GRIK2: variants seen among roughly 807,000 people sequenced by gnomAD.
GRIK2 encodes glutamate ionotropic receptor kainate type subunit 2.
GRIK2 carries 32 observed loss-of-function variants against 100.3 expected under a neutral mutation model. The ratio of observed to expected loss-of-function variants is 0.32; its 90% CI spans 0.24 to 0.43. The LOEUF (loss-of-function observed/expected upper bound fraction) is 0.43. Among genes scored for constraint, GRIK2 ranks in the 20% least tolerant of loss-of-function variants. GRIK2 has a pLI of 1.00. For missense variants in GRIK2, 843 were observed against 1,114.9 expected, an observed-to-expected ratio of 0.76 and a Z score of 3.47; for synonymous variants, 417 against 389.4, an observed-to-expected ratio of 1.07 and a Z score of -0.83.
At chr6:101,931,899 A>T (rs1582561678) in intron 14 of GRIK2, among the ~76,000 whole-genome samples, 2 of 152,190 alleles carry the variant, frequency 1.3e-5, no homozygotes, top group Middle Eastern at 6.8e-3. Flanking sequence ...ACCTACTTGG[A>T]ATCTGGGAAT....
At chr6:101,754,169 TTC>T (rs869291769) in intron 7 of GRIK2, among the ~76,000 whole-genome samples, 1 of 148,276 alleles carries the variant, frequency 6.7e-6, no homozygotes, top group African/African-American at 2.4e-5. Flanking sequence ...TTGATTTATC[TTC>T]TTTTATTATG....
chr6:101,551,391 T>C (rs1325248386), intron 2 of GRIK2, among the ~76,000 whole-genome samples: 2 of 152,120 alleles, frequency 1.3e-5, no homozygotes, highest in East Asian at 1.9e-4. Flanking sequence ...CATAATTTAT[T>C]ATACTATTCA....
intron 15 of GRIK2, among the ~76,000 whole-genome samples, chr6:102,043,199 G>C (rs1002088085): frequency 6.6e-6 from 1 of 151,550 alleles, no homozygotes; most frequent in Non-Finnish European, 1.5e-5. Flanking sequence ...TATTTATGAC[G>C]TAAAAGTGAC....
At chr6:101,810,493 C>G (rs745427898) in intron 9 of GRIK2, among the ~76,000 whole-genome samples, 1 of 152,002 alleles carries the variant, frequency 6.6e-6, no homozygotes, top group Admixed American at 6.6e-5. Flanking sequence ...ACGCTGATTA[C>G]GAAAGCGTTC....
At chr6:101,635,314 A>G (rs1489907395) in intron 4 of GRIK2, among the ~76,000 whole-genome samples, 8 of 152,052 alleles carry the variant, frequency 5.3e-5, no homozygotes, top group Non-Finnish European at 1.2e-4. Flanking sequence ...TTTTATTCCT[A>G]TTTAAGCAAT....
intron 2 of GRIK2, among the ~76,000 whole-genome samples, chr6:101,493,599 A>C (rs941401104): frequency 8.6e-5 from 13 of 151,970 alleles, no homozygotes; most frequent in Non-Finnish European, 1.5e-5. Flanking sequence ...ATCACTAAAT[A>C]AGCTTTTAAT....
At chr6:101,874,770 C>T (rs894919186) in intron 11 of GRIK2, among the ~76,000 whole-genome samples, 11 of 152,032 alleles carry the variant, frequency 7.2e-5, no homozygotes, top group African/African-American at 2.7e-4. Context: ...TCTTTTATTT[C>T]GTTGGGAAGT....
At chr6:101,590,546 C>T (rs192414714) in intron 2 of GRIK2, among the ~76,000 whole-genome samples, 42 of 152,134 alleles carry the variant, frequency 2.8e-4, no homozygotes, top group African/African-American at 8.9e-4. Flanking sequence ...TCTATATACC[C>T]GTTCCAGCCC....
At chr6:101,649,245 C>G (rs528771452) in intron 4 of GRIK2, among the ~76,000 whole-genome samples, 1 of 152,234 alleles carries the variant, frequency 6.6e-6, no homozygotes, top group East Asian at 1.9e-4. Context: ...TGACATAATA[C>G]TAGCTCCAGA....
intron 2 of GRIK2, among the ~76,000 whole-genome samples, chr6:101,437,641 A>G (rs936200723): frequency 1.3e-5 from 2 of 152,160 alleles, no homozygotes; most frequent in Non-Finnish European, 1.5e-5. Context: ...CAATAGTAGC[A>G]TATTGATTCA....
chr6:102,064,249 TCTC>T (rs758388083), intron 16 of GRIK2, among the ~76,000 whole-genome samples: 1 of 150,558 alleles, frequency 6.6e-6, no homozygotes, highest in Non-Finnish European at 1.5e-5. Flanking sequence ...CCTTTCTTCT[TCTC>T]CTCCTTCTCC....
chr6:101,565,931 A>ATATATATATC (rs1272529626), intron 2 of GRIK2, among the ~76,000 whole-genome samples: 1 of 65,528 alleles, frequency 1.5e-5, no homozygotes. Context: ...ATATATATAT[A>ATATATATATC]TGTGTATATA....
intron 2 of GRIK2, among the ~76,000 whole-genome samples, chr6:101,485,729 C>A (rs1772785461): frequency 1.3e-5 from 2 of 151,970 alleles, no homozygotes; most frequent in Admixed American, 6.6e-5. Context: ...AAATGAAAGT[C>A]TTTAATATGA....
intron 2 of GRIK2, among the ~76,000 whole-genome samples, chr6:101,451,702 G>C (rs56775400): frequency 2.0e-5 from 3 of 150,284 alleles, no homozygotes; most frequent in East Asian, 4.0e-4. Flanking sequence ...CTGAGGGGGG[G>C]GGGGGTGCCA....
At chr6:101,543,590 A>G (rs1049424021) in intron 2 of GRIK2, among the ~76,000 whole-genome samples, 1 of 152,176 alleles carries the variant, frequency 6.6e-6, no homozygotes, top group Non-Finnish European at 1.5e-5. Context: ...GAAGGGTGAC[A>G]TATGGTACTG....
rs149008101 is a variant in GRIK2 at position 101,533,342 on chromosome 6, T to C, written c.116-88607T>C. Among the ~76,000 whole-genome samples, 7 of 151,840 alleles carry C rather than the reference T, an allele frequency of 4.6e-5. No homozygotes were observed. The East Asian group carries it at 1.4e-3, about 29-fold the overall frequency. ...CAATTAAGAAGGGGTAATACAAGTG[T>C]ACAAGCATAAATAACAGTATAGGGA... On this transcript the variant is annotated intron_variant, in intron 2 of 16. Coordinates refer to ENST00000369134, the MANE Select transcript of GRIK2 (RefSeq NM_021956.5).
At chr6:101,546,047 CCTTA>C (rs1314281773) in intron 2 of GRIK2, among the ~76,000 whole-genome samples, 2 of 151,978 alleles carry the variant, frequency 1.3e-5, no homozygotes, top group Non-Finnish European at 2.9e-5. Context: ...TAAATGTCTA[CCTTA>C]CTTACTTAAA....
intron 7 of GRIK2, among the ~76,000 whole-genome samples, chr6:101,730,182 G>A (rs542780748): frequency 6.6e-5 from 10 of 152,008 alleles, no homozygotes; most frequent in African/African-American, 1.7e-4. Flanking sequence ...GTCCAAATTC[G>A]AGGCAGTAAA....
chr6:102,000,182 T>C (rs1582695537), intron 14 of GRIK2, among the ~76,000 whole-genome samples: 1 of 152,146 alleles, frequency 6.6e-6, no homozygotes, highest in East Asian at 1.9e-4. Flanking sequence ...TCCTCAATTT[T>C]CTGGAATAGT....
Sources: allele counts gnomAD v4.1 joint callset (sites outside exome capture counted in the v4.1 genomes callset), GRCh38; gene constraint gnomAD v4.1.1; transcripts MANE v1.5; gene names NCBI Gene and HGNC (gene_info 2026-07-23, HGNC 2026-07-21).